Variants in MAST4 observed in about 807,000 individuals in gnomAD.
The protein encoded by MAST4 is microtubule associated serine/threonine kinase family member 4.
Under a neutral mutation model 162.7 loss-of-function variants are expected in MAST4, and 89 were observed. The observed-to-expected ratio is 0.55, with a 90% CI of 0.46 to 0.65. The LOEUF is 0.65. MAST4 is among the 30% of genes least tolerant of loss of function. MAST4 has a pLI of 0.00. For missense variants in MAST4, 3,153 were observed against 3,374.0 expected (o/e 0.93, Z 1.62); for synonymous variants, 1,479 against 1,361.1 (o/e 1.09, Z -1.91).
Position 67,168,077 on chromosome 5 carries a change from C to G in MAST4, c.*1026C>G, listed in dbSNP as rs887488409. On this transcript the variant is annotated 3_prime_UTR_variant, in exon 29 of 29. Transcript: ENST00000403625. ...CTGGCTGCACCCAAATCTTCTAGTA[C>G]TTGAGTAATAAGCATCAGGCATTGG... The G allele has an allele frequency of 6.6e-6, 1 of 152,184 alleles. No individual in the cohort carries two copies. Among genetic ancestry groups the G allele is most frequent in the Non-Finnish European group, 1.5e-5 (1 of 68,032 alleles). 9.4% of individuals were successfully genotyped at this position (152,184 alleles called of 1,614,324 possible). A position where few individuals can be genotyped will look rare whatever the true frequency, so the allele number is the denominator to read the frequency against.
chr5:66,640,011 C>T (rs1745381951), intron 1 of MAST4, among the ~76,000 whole-genome samples: 1 of 152,120 alleles, frequency 6.6e-6, no homozygotes, highest in Non-Finnish European at 1.5e-5. Context: ...ATTATAGTCC[C>T]CATGCTGTAC....
chr5:66,958,935 CTG>C (rs1030926726), intron 4 of MAST4: 4 of 329,048 alleles, frequency 1.2e-5, no homozygotes, highest in Non-Finnish European at 2.3e-5. Context: ...AAAAGTGGGT[CTG>C]TGAGTAGAGC....
At chr5:66,924,661 G>A (rs939020853) in intron 4 of MAST4, among the ~76,000 whole-genome samples, 1 of 152,102 alleles carries the variant, frequency 6.6e-6, no homozygotes, top group Non-Finnish European at 1.5e-5. Context: ...CCAAAGTGGT[G>A]GGATTACAGG....
intron 4 of MAST4, among the ~76,000 whole-genome samples, chr5:67,046,005 G>A (rs1757323569): frequency 6.6e-6 from 1 of 152,090 alleles, no homozygotes; most frequent in African/African-American, 2.4e-5. Context: ...ACGTAACTCA[G>A]ACTGCTCTGA....
chr5:66,840,298 A>G (rs1199990376), intron 3 of MAST4, among the ~76,000 whole-genome samples: 1 of 152,038 alleles, frequency 6.6e-6, no homozygotes, highest in East Asian at 1.9e-4. Flanking sequence ...ATCTTTTTTA[A>G]TTACCTGTTT....
At chr5:66,982,422 C>G (rs1748974131) in intron 4 of MAST4, among the ~76,000 whole-genome samples, 1 of 152,062 alleles carries the variant, frequency 6.6e-6, no homozygotes, top group Admixed American at 6.6e-5. Flanking sequence ...CATGACCTGC[C>G]TAACTAGGAA....
intron 3 of MAST4, among the ~76,000 whole-genome samples, chr5:66,851,812 T>C (rs1759335341): frequency 6.6e-6 from 1 of 152,228 alleles, no homozygotes; most frequent in Non-Finnish European, 1.5e-5. Flanking sequence ...CATTTTTGTC[T>C]ATACCCTTCT....
At chr5:66,975,766 G>C (rs1418250600) in intron 4 of MAST4, among the ~76,000 whole-genome samples, 1 of 152,166 alleles carries the variant, frequency 6.6e-6, no homozygotes, top group Admixed American at 6.5e-5. Flanking sequence ...GGCCGAAGCA[G>C]GTGGATCACC....
chr5:66,612,624 G>C (rs1743366631), intron 1 of MAST4, among the ~76,000 whole-genome samples: 1 of 152,170 alleles, frequency 6.6e-6, no homozygotes, highest in South Asian at 2.1e-4. Flanking sequence ...ACAGTGACTC[G>C]ACCTGAATGT....
At chr5:66,747,550 C>G (rs1318857239) in intron 1 of MAST4, among the ~76,000 whole-genome samples, 1 of 152,156 alleles carries the variant, frequency 6.6e-6, no homozygotes, top group Non-Finnish European at 1.5e-5. Context: ...AAATTATTTG[C>G]TTACCAAACC....
intron 4 of MAST4, among the ~76,000 whole-genome samples, chr5:66,911,577 C>CA (rs1469106900): frequency 1.3e-4 from 4 of 30,212 alleles, no homozygotes; most frequent in African/African-American, 3.4e-4. Flanking sequence ...CCCCCCCCCG[C>CA]AAAAAAAAAT....
chr5:67,123,214 A>G (rs138662557), intron 14 of MAST4, among the ~76,000 whole-genome samples: 26 of 152,276 alleles, frequency 1.7e-4, no homozygotes, highest in Middle Eastern at 3.4e-3. Flanking sequence ...CACCAATTCC[A>G]TGACTCCTCA....
Position 67,162,729 on chromosome 5 carries a change from A to C in MAST4, c.3908A>C (p.His1303Pro), listed in dbSNP as rs1472307059. The change falls in exon 28 of 29, where the codon CAT (histidine) becomes CCT (proline). Residue 1303 changes from histidine to proline, a missense_variant. His to Pro is a moderately conservative substitution (Grantham distance 77). Around this residue, in one of 7 missense-constraint regions of MAST4, gnomAD observed 619 missense variants for 744.2 expected, o/e 0.83. Coordinates refer to ENST00000403625, the MANE Select transcript of MAST4 (RefSeq NM_001164664.2). ...GAGAGCCTCCCAGGTTCCCCCACTCATAGCTTGTCTCCCCGGTCTCCAACA... is the reference window on the plus strand; with the variant it reads ...GAGAGCCTCCCAGGTTCCCCCACTCCTAGCTTGTCTCCCCGGTCTCCAACA... ...SGESLPGSPT[H>P]SLSPRSPTPS... 2 of 1,613,760 alleles carry C rather than the reference A, an allele frequency of 1.2e-6. No individual in the cohort carries two copies. Among genetic ancestry groups the C allele is most frequent in the Non-Finnish European group, 8.5e-7 (1 of 1,179,842 alleles).
intron 3 of MAST4, among the ~76,000 whole-genome samples, chr5:66,808,458 T>G (rs1481642891): frequency 6.6e-6 from 1 of 152,182 alleles, no homozygotes; most frequent in Non-Finnish European, 1.5e-5. Flanking sequence ...TACTTTATAT[T>G]TAAAGATAAT....
chr5:66,903,251 CATT>C (rs1763121276), intron 4 of MAST4, among the ~76,000 whole-genome samples: 1 of 152,084 alleles, frequency 6.6e-6, no homozygotes, highest in East Asian at 1.9e-4. Flanking sequence ...TCACGTATAT[CATT>C]AATGTGATAG....
chr5:66,616,144 G>A (rs1743665297), intron 1 of MAST4, among the ~76,000 whole-genome samples: 1 of 152,168 alleles, frequency 6.6e-6, no homozygotes. Flanking sequence ...GGAAGTTGAA[G>A]CTCTGAAACA....
intron 3 of MAST4, chr5:66,828,943 A>C (rs1757413216): frequency 1.5e-6 from 2 of 1,357,844 alleles, no homozygotes; most frequent in Non-Finnish European, 2.1e-6. Flanking sequence ...TGAGGATTTC[A>C]AAGTTCCCTT....
intron 1 of MAST4, among the ~76,000 whole-genome samples, chr5:66,725,956 T>G (rs78791778): frequency 0.028 from 4,316 of 152,236 alleles, 214 homozygotes; most frequent in African/African-American, 0.098. Context: ...ACAAATAATT[T>G]AGCTGGCATT....
At chr5:66,724,358 G>A (rs1174294346) in intron 1 of MAST4, among the ~76,000 whole-genome samples, 1 of 152,170 alleles carries the variant, frequency 6.6e-6, no homozygotes, top group Non-Finnish European at 1.5e-5. Flanking sequence ...CACAAAACAA[G>A]TTCTAAACTC....
Sources: allele counts gnomAD v4.1 joint callset (sites outside exome capture counted in the v4.1 genomes callset), GRCh38; gene constraint gnomAD v4.1.1; regional missense constraint gnomAD v4.1.1; transcripts MANE v1.5; gene names NCBI Gene and HGNC (gene_info 2026-07-23, HGNC 2026-07-21).